CYTH1: variants seen among roughly 807,000 people sequenced by gnomAD.
CYTH1 encodes cytohesin 1.
In CYTH1, 18 loss-of-function variants were observed where a neutral mutation model predicts 61.8. The ratio of observed to expected loss-of-function variants is 0.29; its 90% CI spans 0.20 to 0.43. The LOEUF (loss-of-function observed/expected upper bound fraction) is 0.43, where lower values mean the gene tolerates loss of function less well. Ranked by LOEUF, CYTH1 falls within the 20% of genes least tolerant of loss-of-function variation. CYTH1 has a pLI of 1.00. For missense variants in CYTH1, 336 were observed against 510.5 expected, an observed-to-expected ratio of 0.66 and a Z score of 3.29; for synonymous variants, 174 against 184.3, an observed-to-expected ratio of 0.94 and a Z score of 0.45.
chr17:78,776,547 T>C (rs899184723), intron 1 of CYTH1, among the ~76,000 whole-genome samples: 3 of 150,862 alleles, frequency 2.0e-5, no homozygotes, highest in East Asian at 3.9e-4. Flanking sequence ...TTGTCCCAGC[T>C]ACTCAGGAGG....
intron 1 of CYTH1, among the ~76,000 whole-genome samples, chr17:78,718,330 A>G (rs1598877103): frequency 6.6e-6 from 1 of 151,980 alleles, no homozygotes; most frequent in Non-Finnish European, 1.5e-5. Context: ...GAAATAAAGC[A>G]CCCAGCTTTT....
chr17:78,740,915 G>GT (rs749412650), intron 1 of CYTH1, among the ~76,000 whole-genome samples: 4 of 152,026 alleles, frequency 2.6e-5, no homozygotes, highest in Non-Finnish European at 4.4e-5. Flanking sequence ...AAGTTTCAAA[G>GT]TACACTTTAA....
At chr17:78,738,781 G>C (rs1269671816) in intron 1 of CYTH1, among the ~76,000 whole-genome samples, 1 of 152,130 alleles carries the variant, frequency 6.6e-6, no homozygotes, top group Admixed American at 6.6e-5. Context: ...CTATCTTCTG[G>C]TATCAGGTCT....
rs137971195 is a variant in CYTH1 at position 78,725,275 on chromosome 17, C to T, written c.23-15543G>A. 8.2e-3 allele frequency among the ~76,000 whole-genome samples: 1,251 copies of T among 152,290 alleles called. 14 individuals carry two copies. The highest frequency in any genetic ancestry group is 0.028 in the African/African-American group (1,179 of 41,552). On this transcript the variant is annotated intron_variant, in intron 1 of 13. Coordinates refer to ENST00000446868, the MANE Select transcript of CYTH1 (RefSeq NM_004762.6). ...CCCTGCTCAGTTTACCCATATTAACCATCACCTGATGACCTTCTTTATCAC... is the reference window on the plus strand; with the variant it reads ...CCCTGCTCAGTTTACCCATATTAACTATCACCTGATGACCTTCTTTATCAC...
In CYTH1 at chr17:78,698,262, C is replaced by T. The variant is rs377144454; in HGVS notation, c.811+7G>A. ...CTTTAGGAGCCCTGACTCAGAGGTG[C>T]GCTTACCGAGTTTCAATAGCCAGCC... On this transcript the variant is annotated splice_region_variant and intron_variant, in intron 9 of 13. Transcript: ENST00000446868. 1.3e-4 allele frequency: 205 copies of T among 1,608,294 alleles called. No homozygotes were observed. Among genetic ancestry groups the T allele is most frequent in the South Asian group, 4.0e-4 (36 of 90,828 alleles).
intron 1 of CYTH1, among the ~76,000 whole-genome samples, chr17:78,778,896 T>A (rs897154752): frequency 6.6e-6 from 1 of 152,208 alleles, no homozygotes; most frequent in African/African-American, 2.4e-5. Context: ...CCTTTTACAA[T>A]GTGGGATCTG....
chr17:78,699,808 A>G (rs2092989159), intron 7 of CYTH1, among the ~76,000 whole-genome samples: 1 of 152,204 alleles, frequency 6.6e-6, no homozygotes, highest in Non-Finnish European at 1.5e-5. Flanking sequence ...GTTTTGAGAC[A>G]GGGTCTCACT....
At position 78,750,539 on chromosome 17, in the gene CYTH1, T is replaced by C. The variant is rs146476910; in HGVS notation, c.22+31663A>G. ...AAGTTGTTGCTGTTGCCGGGCACAGTGGCTCATGCCTGTAATCCCAGCACT... is the reference window on the plus strand; with the variant it reads ...AAGTTGTTGCTGTTGCCGGGCACAGCGGCTCATGCCTGTAATCCCAGCACT... On this transcript the variant is annotated intron_variant, in intron 1 of 13. Transcript: ENST00000446868. Among the ~76,000 whole-genome samples the C allele has an allele frequency of 4.6e-3, 699 of 152,288 alleles. 7 individuals carry two copies. Among genetic ancestry groups the C allele is most frequent in the African/African-American group, 0.016 (652 of 41,558 alleles).
chr17:78,696,431 A>G (rs569587749), intron 9 of CYTH1, among the ~76,000 whole-genome samples: 1 of 152,390 alleles, frequency 6.6e-6, no homozygotes, highest in South Asian at 2.1e-4. Context: ...GAATGCACAC[A>G]CATATACCCA....
At chr17:78,726,985 TTCTC>T (rs2093270178) in intron 1 of CYTH1, among the ~76,000 whole-genome samples, 3 of 152,184 alleles carry the variant, frequency 2.0e-5, no homozygotes, top group Non-Finnish European at 2.9e-5. Context: ...CTCTTTCCAG[TTCTC>T]TCTCTCAGGC....
rs533062719 is a variant in CYTH1, at chr17:78,675,632, A to T, written c.*459T>A. Reference sequence around the variant, plus strand: ...CCTGAACAGCCCTACGTTCTCTCTTAAAAAAAAAAAAATAGATCTTTATAG... The same window carrying T: ...CCTGAACAGCCCTACGTTCTCTCTTTAAAAAAAAAAAATAGATCTTTATAG... On this transcript the variant is annotated 3_prime_UTR_variant, in exon 14 of 14. Transcript: ENST00000446868. 9 of 33,420 alleles carry T rather than the reference A, an allele frequency of 2.7e-4. No homozygotes were observed. The highest frequency in any genetic ancestry group is 9.7e-4 in the African/African-American group (8 of 8,228). The allele number at this position is 33,420 out of a possible 1,614,324, so 2.1% of individuals were successfully genotyped here.
intron 3 of CYTH1, among the ~76,000 whole-genome samples, chr17:78,706,228 T>G (rs2093064185): frequency 6.6e-6 from 1 of 152,182 alleles, no homozygotes; most frequent in Non-Finnish European, 1.5e-5. Context: ...GAAGCACCAC[T>G]CAGATTAATA....
rs1412300911 is a variant in CYTH1, at chr17:78,685,224, AG to A, written c.892-4183del. Among the ~76,000 whole-genome samples the A allele has an allele frequency of 3.7e-3, 549 of 149,992 alleles. 4 individuals are homozygous for A. The highest frequency in any genetic ancestry group is 0.012 in the African/African-American group (477 of 40,816). On this transcript the variant is annotated intron_variant, in intron 11 of 13. Transcript: ENST00000446868. ...GTCTCAAAAAAAAAAAAAAAAAAAAAGGTTTTACTTATTCTTTTAAAAAATA... is the reference window on the plus strand; with the variant it reads ...GTCTCAAAAAAAAAAAAAAAAAAAAAGTTTTACTTATTCTTTTAAAAAATA...
In CYTH1 at chr17:78,751,064, A is replaced by ACCTCTACCTC. The variant is rs200560186; in HGVS notation, c.22+31128_22+31137dup. The stretch of plus-strand genomic sequence containing the variant: ...AGTGGTGACATCCTGGCTCACTGCA[A>ACCTCTACCTC]CCTCTACCTCCCAGACTCAAGCAAT... On this transcript the variant is annotated intron_variant, in intron 1 of 13. Coordinates refer to ENST00000446868, the MANE Select transcript of CYTH1 (RefSeq NM_004762.6). 2.6e-3 allele frequency among the ~76,000 whole-genome samples: 391 copies of ACCTCTACCTC among 151,892 alleles called. No homozygotes were observed. The East Asian group carries it at 0.034, about 13-fold the overall frequency.
chr17:78,709,295 G>C (rs553619905), intron 2 of CYTH1: 161 of 113,078 alleles, frequency 1.4e-3, no homozygotes, highest in African/African-American at 4.2e-3. Flanking sequence ...CAGGGCGTGG[G>C]CCGAGCTTCG....
In CYTH1 at chr17:78,753,499, T is replaced by TAATAAATA. The variant is rs67579941; in HGVS notation, c.22+28695_22+28702dup. On this transcript the variant is annotated intron_variant, in intron 1 of 13. Coordinates refer to ENST00000446868, the MANE Select transcript of CYTH1 (RefSeq NM_004762.6). ...AACATGGTCAGACCTTATCTCTACTTAATAAATAAATAAATAAATAAATAA... is the reference window on the plus strand; with the variant it reads ...AACATGGTCAGACCTTATCTCTACTTAATAAATAAATAAATAAATAAATAAATAAATAA... Among the ~76,000 whole-genome samples, 252 of 143,368 alleles carry TAATAAATA rather than the reference T, an allele frequency of 1.8e-3. 1 individual carries two copies. Among genetic ancestry groups the TAATAAATA allele is most frequent in the African/African-American group, 4.7e-3 (168 of 35,786 alleles). 94.1% of individuals were successfully genotyped at this position (143,368 alleles called of 152,430 possible).
chr17:78,742,364 C>T (rs1352494317), intron 1 of CYTH1, among the ~76,000 whole-genome samples: 1 of 152,220 alleles, frequency 6.6e-6, no homozygotes, highest in African/African-American at 2.4e-5. Flanking sequence ...GAGTTTGAGA[C>T]TAGCCTGGGA....
chr17:78,747,578 C>A (rs1212191642), intron 1 of CYTH1, among the ~76,000 whole-genome samples: 2 of 152,172 alleles, frequency 1.3e-5, no homozygotes, highest in African/African-American at 4.8e-5. Flanking sequence ...GGAGTCACCC[C>A]CATTCCCGCA....
intron 1 of CYTH1, among the ~76,000 whole-genome samples, chr17:78,711,088 C>G (rs1282759267): frequency 6.6e-6 from 1 of 151,784 alleles, no homozygotes; most frequent in East Asian, 1.9e-4. Context: ...TGGTGAAACC[C>G]CGTCACTACT....
Sources: allele counts gnomAD v4.1 joint callset (sites outside exome capture counted in the v4.1 genomes callset), GRCh38; gene constraint gnomAD v4.1.1; transcripts MANE v1.5; gene names NCBI Gene and HGNC (gene_info 2026-07-23, HGNC 2026-07-21).